Variants in RIMS1 observed in about 807,000 individuals in gnomAD.
RIMS1 encodes the protein regulating synaptic membrane exocytosis 1.
A neutral mutation model predicts 214.1 loss-of-function variants in RIMS1; 83 were observed. The ratio of observed to expected loss-of-function variants is 0.39; its 90% CI spans 0.32 to 0.47. RIMS1 has a LOEUF of 0.47. Ranked by LOEUF, RIMS1 falls within the 20% of genes least tolerant of loss-of-function variation. The pLI is 0.99. For synonymous variants in RIMS1, 793 were observed against 786.8 expected (o/e 1.01, Z -0.13); for missense variants, 2,050 against 2,161.8 (o/e 0.95, Z 1.03).
In RIMS1 at chr6:72,295,684, CCAAA is replaced by C. The variant is rs201627649; in HGVS notation, c.3850+3641_3850+3644del. On this transcript the variant is annotated intron_variant, in intron 26 of 33. Transcript: ENST00000521978. ...TAATACAGAATATATTTTTCAAATGCCAAACATACTAATTTCCCAATGTTTTTGT... is the reference window on the plus strand; with the variant it reads ...TAATACAGAATATATTTTTCAAATGCCATACTAATTTCCCAATGTTTTTGT... Among the ~76,000 whole-genome samples the C allele has an allele frequency of 1.7e-3, 252 of 151,738 alleles. 3 individuals carry two copies. The East Asian group carries it at 0.039, about 23-fold the overall frequency.
At chr6:72,317,445 A>G (rs1449889316) in intron 28 of RIMS1, 1 of 176,526 alleles carries the variant, frequency 5.7e-6, no homozygotes, top group African/African-American at 2.4e-5. Flanking sequence ...AGTAGGCATA[A>G]TAATCAGTAA....
At chr6:72,360,337 T>A (rs1347179171) in intron 29 of RIMS1, among the ~76,000 whole-genome samples, 1 of 152,238 alleles carries the variant, frequency 6.6e-6, no homozygotes. Context: ...ATTTATCACA[T>A]ACCTTCTGAC....
chr6:72,173,431 C>A (rs75761857), intron 4 of RIMS1, among the ~76,000 whole-genome samples: 7 of 151,688 alleles, frequency 4.6e-5, no homozygotes, highest in Admixed American at 1.3e-4. Flanking sequence ...TTTTCTAGAA[C>A]TTTTATCTCA....
intron 2 of RIMS1, among the ~76,000 whole-genome samples, chr6:72,046,021 G>T (rs991198493): frequency 6.6e-6 from 1 of 151,852 alleles, no homozygotes; most frequent in Non-Finnish European, 1.5e-5. Context: ...TAATGTCAAA[G>T]ACATAATTTT....
At chr6:72,007,655 G>A (rs983623625) in intron 2 of RIMS1, among the ~76,000 whole-genome samples, 2 of 152,194 alleles carry the variant, frequency 1.3e-5, no homozygotes, top group Non-Finnish European at 2.9e-5. Flanking sequence ...GAAAACCATG[G>A]CATGAGAACT....
At chr6:72,049,116 C>T (rs1340944272) in intron 2 of RIMS1, among the ~76,000 whole-genome samples, 1 of 152,102 alleles carries the variant, frequency 6.6e-6, no homozygotes, top group Non-Finnish European at 1.5e-5. Flanking sequence ...GGCCAGAGAC[C>T]AAGATCAGAA....
chr6:72,369,978 A>C (rs1394442258), intron 29 of RIMS1, among the ~76,000 whole-genome samples: 1 of 152,262 alleles, frequency 6.6e-6, no homozygotes, highest in East Asian at 1.9e-4. Context: ...CTTCTGCATC[A>C]AAGATTAATT....
At chr6:72,376,746 C>CAA (rs766207091) in intron 29 of RIMS1, among the ~76,000 whole-genome samples, 11 of 112,702 alleles carry the variant, frequency 9.8e-5, no homozygotes, top group East Asian at 3.1e-4. Flanking sequence ...GACTCTGTCT[C>CAA]AAAAAAAAAA....
intron 2 of RIMS1, among the ~76,000 whole-genome samples, chr6:72,007,332 A>G (rs1808171509): frequency 6.6e-6 from 1 of 152,210 alleles, no homozygotes; most frequent in Non-Finnish European, 1.5e-5. Flanking sequence ...GTACATCACC[A>G]TCATCAAAGA....
intron 23 of RIMS1, among the ~76,000 whole-genome samples, chr6:72,282,575 T>C (rs1310844842): frequency 6.6e-6 from 1 of 152,066 alleles, no homozygotes; most frequent in Non-Finnish European, 1.5e-5. Flanking sequence ...TCCACTCTCT[T>C]TGCTGTATAG....
chr6:72,164,816 T>C (rs1424728052), intron 4 of RIMS1, among the ~76,000 whole-genome samples: 2 of 152,228 alleles, frequency 1.3e-5, no homozygotes, highest in Non-Finnish European at 1.5e-5. Context: ...CTTCTTACTA[T>C]ATCTACAAAT....
At chr6:71,928,105 C>A (rs941847497) in intron 1 of RIMS1, among the ~76,000 whole-genome samples, 10 of 152,098 alleles carry the variant, frequency 6.6e-5, no homozygotes, top group African/African-American at 2.4e-4. Context: ...CTTTGCCCTG[C>A]CCCAATCACA....
At chr6:72,077,027 A>G (rs1832069721) in intron 2 of RIMS1, among the ~76,000 whole-genome samples, 1 of 151,954 alleles carries the variant, frequency 6.6e-6, no homozygotes. Context: ...CTTATCTCCA[A>G]TCCCCACTCC....
intron 6 of RIMS1, among the ~76,000 whole-genome samples, chr6:72,188,375 C>T (rs2049488268): frequency 1.3e-5 from 2 of 152,284 alleles, no homozygotes; most frequent in Admixed American, 6.5e-5. Flanking sequence ...CTTCGTACAA[C>T]CAGAAAGTAC....
intron 7 of RIMS1, among the ~76,000 whole-genome samples, chr6:72,234,558 G>C (rs570417364): frequency 6.6e-6 from 1 of 151,988 alleles, no homozygotes; most frequent in African/African-American, 2.4e-5. Context: ...CAATATTGAT[G>C]TATTATTATT....
At chr6:72,138,109 C>T (rs1156502478) in intron 4 of RIMS1, among the ~76,000 whole-genome samples, 1 of 151,752 alleles carries the variant, frequency 6.6e-6, no homozygotes, top group Non-Finnish European at 1.5e-5. Context: ...TGTGTATAGA[C>T]GGTTCAAAAA....
At chr6:72,168,029 G>T (rs1355082947) in intron 4 of RIMS1, among the ~76,000 whole-genome samples, 1 of 152,032 alleles carries the variant, frequency 6.6e-6, no homozygotes, top group Non-Finnish European at 1.5e-5. Flanking sequence ...TATTGCAGGA[G>T]CAATAAAAGA....
intron 1 of RIMS1, among the ~76,000 whole-genome samples, chr6:71,905,896 A>T (rs1775116523): frequency 1.3e-5 from 2 of 152,134 alleles, no homozygotes; most frequent in Admixed American, 1.3e-4. Context: ...GAAATATCTG[A>T]TAACTACTCA....
At position 72,084,184 on chromosome 6, in the gene RIMS1, C is replaced by T. The variant is rs117865293; in HGVS notation, c.246-12765C>T. The stretch of plus-strand genomic sequence containing the variant: ...TGCATTAGTTAGGTTGGCATGATCA[C>T]GTGACACATTCTGGAAAAGTTTGCA... On this transcript the variant is annotated intron_variant, in intron 2 of 33. Transcript: ENST00000521978. 9.7e-3 allele frequency among the ~76,000 whole-genome samples: 1,471 copies of T among 152,228 alleles called. 10 individuals are homozygous for T. Among genetic ancestry groups the T allele is most frequent in the Non-Finnish European group, 0.015 (1,053 of 67,988 alleles).
Sources: allele counts gnomAD v4.1 joint callset (sites outside exome capture counted in the v4.1 genomes callset), GRCh38; gene constraint gnomAD v4.1.1; transcripts MANE v1.5; gene names NCBI Gene and HGNC (gene_info 2026-07-23, HGNC 2026-07-21).